HEMK2: variants seen among roughly 807,000 people sequenced by gnomAD.
The protein encoded by HEMK2 is methyltransferase HEMK2.
At chr21:28,810,040 G>C in the HEMK2 span, among the ~76,000 whole-genome samples, 1 of 152,142 alleles carries the variant, frequency 6.6e-6, no homozygotes, top group East Asian at 1.9e-4. Context: ...TGAATGCCTG[G>C]AGCCTCCATG....
At chr21:28,720,681 C>T in the HEMK2 span, among the ~76,000 whole-genome samples, 1 of 152,018 alleles carries the variant, frequency 6.6e-6, no homozygotes, top group East Asian at 1.9e-4. Context: ...TGCAGTGAGC[C>T]GAGATTGCGC....
chr21:28,864,634 C>T, the HEMK2 span, among the ~76,000 whole-genome samples: 2 of 152,174 alleles, frequency 1.3e-5, no homozygotes, highest in Non-Finnish European at 2.9e-5. Flanking sequence ...AAAAGTTTCA[C>T]TTCAATCCTA....
chr21:28,596,504 T>C, the HEMK2 span, among the ~76,000 whole-genome samples: 318 of 152,300 alleles, frequency 2.1e-3, 4 homozygotes, highest in African/African-American at 7.5e-3. Context: ...ATATGTATTG[T>C]TACATATGAA....
the HEMK2 span, among the ~76,000 whole-genome samples, chr21:28,744,028 T>G: frequency 6.6e-6 from 1 of 151,658 alleles, no homozygotes; most frequent in Admixed American, 6.6e-5. Flanking sequence ...AAGTGGGAGC[T>G]AAATAATGAG....
At chr21:28,736,035 A>G in the HEMK2 span, among the ~76,000 whole-genome samples, 3 of 152,206 alleles carry the variant, frequency 2.0e-5, no homozygotes, top group East Asian at 1.9e-4. Context: ...AACAGATTCT[A>G]CCTTTTGATG....
the HEMK2 span, among the ~76,000 whole-genome samples, chr21:28,616,947 G>A: frequency 6.6e-6 from 1 of 152,224 alleles, no homozygotes; most frequent in African/African-American, 2.4e-5. Context: ...TTAAGGCACT[G>A]AGGCACAGTG....
At chr21:28,853,155 T>C in the HEMK2 span, among the ~76,000 whole-genome samples, 1 of 152,182 alleles carries the variant, frequency 6.6e-6, no homozygotes, top group Non-Finnish European at 1.5e-5. Flanking sequence ...CCAGCTGGGA[T>C]GAGTAAGTCT....
chr21:28,734,892 C>T, the HEMK2 span, among the ~76,000 whole-genome samples: 1 of 152,200 alleles, frequency 6.6e-6, no homozygotes, highest in African/African-American at 2.4e-5. Context: ...TTGCATAACT[C>T]ATGGTTCTGG....
the HEMK2 span, among the ~76,000 whole-genome samples, chr21:28,860,468 T>C: frequency 6.7e-6 from 1 of 148,310 alleles, no homozygotes; most frequent in Non-Finnish European, 1.5e-5. Flanking sequence ...TATATATATA[T>C]AACATATATA....
the HEMK2 span, among the ~76,000 whole-genome samples, chr21:28,676,628 T>A: frequency 1.3e-5 from 2 of 152,150 alleles, no homozygotes; most frequent in Admixed American, 6.5e-5. Context: ...CCACAGAAGT[T>A]CGCGCCTTTG....
the HEMK2 span, among the ~76,000 whole-genome samples, chr21:28,755,045 C>G: frequency 1.3e-5 from 2 of 152,130 alleles, no homozygotes; most frequent in African/African-American, 4.8e-5. Flanking sequence ...CCAGGCAGAG[C>G]TGAGGAGTGC....
chr21:28,605,606 C>T, the HEMK2 span, among the ~76,000 whole-genome samples: 22,532 of 151,980 alleles, frequency 0.15, 2,084 homozygotes, highest in Non-Finnish European at 0.2. Flanking sequence ...CCATATTTTT[C>T]CATATTCCTG....
chr21:28,739,363 T>C, the HEMK2 span, among the ~76,000 whole-genome samples: 3 of 152,328 alleles, frequency 2.0e-5, no homozygotes, highest in South Asian at 2.1e-4. Context: ...ATTAAAGAAG[T>C]GTTTTCTGAA....
the HEMK2 span, among the ~76,000 whole-genome samples, chr21:28,619,221 C>T: frequency 6.6e-6 from 1 of 152,124 alleles, no homozygotes; most frequent in African/African-American, 2.4e-5. Flanking sequence ...GCATTCAGAG[C>T]TTGGAGACGA....
At chr21:28,725,845 C>T in the HEMK2 span, among the ~76,000 whole-genome samples, 14 of 152,188 alleles carry the variant, frequency 9.2e-5, no homozygotes, top group African/African-American at 3.1e-4. Context: ...CATCTATAGG[C>T]TTTCTTGGTC....
the HEMK2 span, among the ~76,000 whole-genome samples, chr21:28,743,645 TAA>T: frequency 6.6e-6 from 1 of 152,294 alleles, no homozygotes; most frequent in South Asian, 2.1e-4. Flanking sequence ...GATTGCAGTC[TAA>T]ACTGGTTCAA....
chr21:28,721,688 G>A, the HEMK2 span, among the ~76,000 whole-genome samples: 1 of 151,898 alleles, frequency 6.6e-6, no homozygotes, highest in Non-Finnish European at 1.5e-5. Flanking sequence ...CTCTGAGCCA[G>A]GCACTGTTCT....
the HEMK2 span, among the ~76,000 whole-genome samples, chr21:28,842,714 T>C: frequency 6.6e-6 from 1 of 152,082 alleles, no homozygotes; most frequent in Admixed American, 6.6e-5. Context: ...AGTAGTCGCA[T>C]TTCCTTTTGC....
At chr21:28,871,317 T>C in the HEMK2 span, among the ~76,000 whole-genome samples, 1 of 152,048 alleles carries the variant, frequency 6.6e-6, no homozygotes, top group South Asian at 2.1e-4. Flanking sequence ...GGGCACAAGG[T>C]GAAGAGGAAG....
Sources: allele counts gnomAD v4.1 joint callset (sites outside exome capture counted in the v4.1 genomes callset), GRCh38; gene constraint gnomAD v4.1.1; transcripts MANE v1.5; gene names NCBI Gene and HGNC (gene_info 2026-07-23, HGNC 2026-07-21).